The following OSTN variants were observed in gnomAD, a reference collection of about 807,000 sequenced individuals.
OSTN encodes osteocrin.
In OSTN, 9 loss-of-function variants were observed where a neutral mutation model predicts 12.0. The observed-to-expected ratio is 0.75, with a 90% CI of 0.45 to 1.30. OSTN has a LOEUF of 1.30. OSTN is among the 50% of genes most tolerant of loss of function. OSTN has a pLI of 0.00. For missense variants in OSTN, 148 were observed against 152.3 expected, an observed-to-expected ratio of 0.97 and a Z score of 0.15; for synonymous variants, 59 against 56.9, an observed-to-expected ratio of 1.04 and a Z score of -0.16.
chr3:191,229,243 C>G (rs1714989266), intron 3 of OSTN, among the ~76,000 whole-genome samples: 1 of 152,166 alleles, frequency 6.6e-6, no homozygotes, highest in Admixed American at 6.5e-5. Context: ...GATTTATTAA[C>G]CAGTTAAAAT....
At chr3:191,260,506 T>C (rs1362728167) in intron 4 of OSTN, among the ~76,000 whole-genome samples, 1 of 152,132 alleles carries the variant, frequency 6.6e-6, no homozygotes, top group East Asian at 1.9e-4. Context: ...GTGCCAGTAA[T>C]CTGTGACACC....
At chr3:191,218,399 A>G (rs1576925958) in intron 2 of OSTN, among the ~76,000 whole-genome samples, 1 of 152,160 alleles carries the variant, frequency 6.6e-6, no homozygotes, top group East Asian at 1.9e-4. Flanking sequence ...AGGTGGGTGG[A>G]TCACCTGAGG....
intron 1 of OSTN, among the ~76,000 whole-genome samples, chr3:191,202,955 A>G (rs995313699): frequency 6.6e-6 from 1 of 152,218 alleles, no homozygotes. Flanking sequence ...GTACAGATTA[A>G]TGTATGAAAA....
Position 191,229,657 on chromosome 3 carries a change from G to A in OSTN, c.317+10696G>A, listed in dbSNP as rs143628286. On this transcript the variant is annotated intron_variant, in intron 3 of 4. Transcript: ENST00000682035. The stretch of plus-strand genomic sequence containing the variant: ...GTAAATAAATTAATCACATAATAAG[G>A]CCAAGAAAATGACTCAATATGTCAA... 19 of 152,068 alleles carry A rather than the reference G, an allele frequency of 1.2e-4. No individual in the cohort carries two copies. The East Asian group carries it at 3.7e-3, about 29-fold the overall frequency. The allele number at this position is 152,068 out of a possible 1,614,324, so 9.4% of individuals were successfully genotyped here.
Position 191,238,919 on chromosome 3 carries a change from G to T in OSTN, c.318-11118G>T, listed in dbSNP as rs537451097. ...TATAGGCTTTGCAAAGTATATTACAGACCCTAACCCTCAAAAGAACATTCT... is the reference window on the plus strand; with the variant it reads ...TATAGGCTTTGCAAAGTATATTACATACCCTAACCCTCAAAAGAACATTCT... On this transcript the variant is annotated intron_variant, in intron 3 of 4. Transcript: ENST00000682035. Among the ~76,000 whole-genome samples, 9 of 152,302 alleles carry T rather than the reference G, an allele frequency of 5.9e-5. 2 individuals are homozygous for T. The highest frequency in any genetic ancestry group is 1.9e-4 in the African/African-American group (8 of 41,558).
intron 3 of OSTN, 52 bp downstream of exon 3, chr3:191,219,013 G>A (rs769920798): frequency 6.8e-7 from 1 of 1,474,174 alleles, no homozygotes; most frequent in Admixed American, 1.9e-5. Flanking sequence ...TTTCCTTCTG[G>A]ATTCTAAATC....
intron 3 of OSTN, among the ~76,000 whole-genome samples, chr3:191,236,570 G>A (rs1715197203): frequency 6.6e-6 from 1 of 151,848 alleles, no homozygotes; most frequent in South Asian, 2.1e-4. Flanking sequence ...CAATCCTTGG[G>A]GAGATGTGCG....
Position 191,250,121 on chromosome 3 carries a change from A to T in OSTN, c.402A>T (p.Ter134TyrextTer30). 1 of 1,599,248 alleles carries T rather than the reference A, an allele frequency of 6.3e-7. No homozygotes were observed. Among genetic ancestry groups the T allele is most frequent in the South Asian group, 1.1e-5 (1 of 90,798 alleles). ...GRNRLSNSRG[*>Y] ...ACCGGCTTTCAAATTCCAGAGGCTA[A>T]TTGATTCCAATTGTGAGTACAATTT... Residue 134 changes from the stop codon to tyrosine (Y), a stop_lost, in exon 4 of 5, where the codon TAA becomes TAT. Coordinates refer to ENST00000682035, the MANE Select transcript of OSTN (RefSeq NM_198184.2).
intron 1 of OSTN, among the ~76,000 whole-genome samples, chr3:191,211,576 A>G (rs1238459985): frequency 6.6e-6 from 1 of 152,172 alleles, no homozygotes. Flanking sequence ...TTTTTTGTAA[A>G]GCATCCAATT....
chr3:191,220,426 A>G (rs1437223600), intron 3 of OSTN, among the ~76,000 whole-genome samples: 2 of 152,202 alleles, frequency 1.3e-5, no homozygotes, highest in Non-Finnish European at 2.9e-5. Flanking sequence ...AATATAGTTT[A>G]CATACCTCAA....
At chr3:191,257,215 T>C (rs868426081) in intron 4 of OSTN, among the ~76,000 whole-genome samples, 8 of 137,968 alleles carry the variant, frequency 5.8e-5, no homozygotes, top group Non-Finnish European at 1.2e-4. Flanking sequence ...AAAAAGACCA[T>C]AGACACACAA....
intron 3 of OSTN, among the ~76,000 whole-genome samples, chr3:191,240,093 A>G (rs1715285795): frequency 6.6e-6 from 1 of 152,222 alleles, no homozygotes; most frequent in African/African-American, 2.4e-5. Context: ...GAATTGAGAA[A>G]AAAAGCCATT....
intron 1 of OSTN, among the ~76,000 whole-genome samples, chr3:191,202,083 G>A (rs1021949586): frequency 1.3e-4 from 20 of 152,118 alleles, no homozygotes; most frequent in African/African-American, 4.8e-4. Context: ...TCACTTTGTT[G>A]TATTACAAAG....
At chr3:191,219,440 C>T (rs1714709188) in intron 3 of OSTN, among the ~76,000 whole-genome samples, 1 of 152,198 alleles carries the variant, frequency 6.6e-6, no homozygotes, top group African/African-American at 2.4e-5. Flanking sequence ...ATTTCTGTTT[C>T]TTCCTATGTG....
chr3:191,253,404 G>C (rs1259139080), intron 4 of OSTN, among the ~76,000 whole-genome samples: 1 of 152,200 alleles, frequency 6.6e-6, no homozygotes, highest in East Asian at 1.9e-4. Flanking sequence ...AACAGTCACT[G>C]ACATGAGGCA....
chr3:191,256,954 AG>A (rs1715685633), intron 4 of OSTN, among the ~76,000 whole-genome samples: 2 of 152,218 alleles, frequency 1.3e-5, no homozygotes, highest in South Asian at 4.1e-4. Context: ...GGCCAAGGCA[AG>A]AGGACCACTT....
intron 3 of OSTN, among the ~76,000 whole-genome samples, chr3:191,224,766 A>G (rs1714867991): frequency 6.6e-6 from 1 of 152,168 alleles, no homozygotes; most frequent in Non-Finnish European, 1.5e-5. Flanking sequence ...AGAATACCAA[A>G]TTTTATTTTT....
intron 3 of OSTN, among the ~76,000 whole-genome samples, chr3:191,228,072 T>C (rs1714958696): frequency 6.6e-6 from 1 of 152,180 alleles, no homozygotes; most frequent in African/African-American, 2.4e-5. Context: ...AGATTATCAC[T>C]AGCAATACGA....
chr3:191,219,003 T>A (rs1006216902), intron 3 of OSTN, 42 bp downstream of exon 3: 1 of 1,514,278 alleles, frequency 6.6e-7, no homozygotes, highest in African/African-American at 1.4e-5. Context: ...TTTCTAATTA[T>A]TTCCTTCTGG....
Sources: allele counts gnomAD v4.1 joint callset (sites outside exome capture counted in the v4.1 genomes callset), GRCh38; gene constraint gnomAD v4.1.1; transcripts MANE v1.5; gene names NCBI Gene and HGNC (gene_info 2026-07-23, HGNC 2026-07-21).